Variants in MID2 observed in about 807,000 individuals in gnomAD.
The protein encoded by MID2 is probable E3 ubiquitin-protein ligase MID2.
A neutral mutation model predicts 46.1 loss-of-function variants in MID2; 13 were observed. The ratio of observed to expected loss-of-function variants is 0.28; its 90% CI spans 0.18 to 0.45. The LOEUF (loss-of-function observed/expected upper bound fraction) is 0.45. MID2 is among the 20% of genes least tolerant of loss of function. The probability of loss-of-function intolerance (pLI) is 1.00; values close to 1 mark genes in which losing one functional copy is unlikely to be tolerated. For missense variants in MID2, 431 were observed against 575.4 expected (o/e 0.75, Z 2.57); for synonymous variants, 199 against 212.3 (o/e 0.94, Z 0.55).
At position 107,927,305 on chromosome X, in the gene MID2, A is replaced by C; in HGVS notation, c.*232A>C. 3.3e-6 allele frequency: 1 copy of C among 302,377 alleles called. No homozygotes were observed. Among genetic ancestry groups the C allele is most frequent in the Non-Finnish European group, 5.7e-6 (1 of 174,291 alleles). 24.9% of individuals were successfully genotyped at this position (302,377 alleles called of 1,213,427 possible). A position where few individuals can be genotyped will look rare whatever the true frequency, so the allele number is the denominator to read the frequency against. On this transcript the variant is annotated 3_prime_UTR_variant, in exon 10 of 10. Coordinates refer to ENST00000262843, the MANE Select transcript of MID2 (RefSeq NM_012216.4). ...TCTGCGTTCAAGCCATTGGAGAAAA[A>C]TTTAGAAAATGCCTCTGTTGTCATT...
At chrX:107,916,841 GC>G in intron 6 of MID2, among the ~76,000 whole-genome samples, 2 of 112,635 alleles carry the variant, frequency 1.8e-5, no homozygotes, top group South Asian at 7.3e-4. Context: ...TGACTATACA[GC>G]TAAAAATATA....
At chrX:107,829,296 G>A (rs1226246306) in intron 1 of MID2, among the ~76,000 whole-genome samples, 3 of 112,121 alleles carry the variant, frequency 2.7e-5, no homozygotes, top group Non-Finnish European at 3.8e-5. Flanking sequence ...GAGCCAAATC[G>A]TATCATTGTA....
intron 5 of MID2, among the ~76,000 whole-genome samples, chrX:107,908,102 C>T (rs141910857): frequency 8.6e-4 from 97 of 112,582 alleles, no homozygotes; most frequent in Non-Finnish European, 1.5e-3. Context: ...CCACAGTCTA[C>T]ACTTTTACAA....
intron 3 of MID2, chrX:107,894,878 A>AGAGAGG (rs774764878): frequency 6.4e-5 from 7 of 108,564 alleles, no homozygotes; most frequent in African/African-American, 2.0e-4. Context: ...AGAGAGAGAG[A>AGAGAGG]GAGAGAGAAC....
At position 107,917,736 on chromosome X, in the gene MID2, C is replaced by G. The variant is rs200917006; in HGVS notation, c.1432C>G (p.Arg478Gly). ...CTGCTCAAGATTGGCCGGGGCGCCACGAGGCAAGTGTTTGTAAGACATGTT... is the reference window on the plus strand; with the variant it reads ...CTGCTCAAGATTGGCCGGGGCGCCAGGAGGCAAGTGTTTGTAAGACATGTT... ...VSCSRLAGAP[R>G]GLYNSVDSWM... Residue 478 changes from arginine to glycine, a missense_variant, in exon 7 of 10, where the codon CGA becomes GGA. Physicochemically the swap from Arg to Gly is moderately radical, Grantham distance 125 (BLOSUM62 -2). Coordinates refer to ENST00000262843, the MANE Select transcript of MID2 (RefSeq NM_012216.4). The G allele has an allele frequency of 1.7e-6, 2 of 1,208,081 alleles. No homozygotes were observed. Among genetic ancestry groups the G allele is most frequent in the Non-Finnish European group, 2.2e-6 (2 of 892,038 alleles).
At chrX:107,845,640 G>A (rs745494793) in intron 2 of MID2, among the ~76,000 whole-genome samples, 32 of 109,242 alleles carry the variant, frequency 2.9e-4, no homozygotes, top group African/African-American at 9.1e-4. Flanking sequence ...TCAAAGGAAC[G>A]CCACAATGAG....
intron 3 of MID2, among the ~76,000 whole-genome samples, chrX:107,858,885 C>A (rs2147836413): frequency 8.9e-6 from 1 of 112,159 alleles, no homozygotes; most frequent in South Asian, 3.7e-4. Flanking sequence ...TTCCTTCTGG[C>A]TCTTCTCAAT....
chrX:107,920,158 G>A (rs1460413772), intron 7 of MID2, among the ~76,000 whole-genome samples: 1 of 112,110 alleles, frequency 8.9e-6, no homozygotes, highest in African/African-American at 3.2e-5. Flanking sequence ...CCTACCTGCC[G>A]GTCTGGCCTG....
At chrX:107,850,946 C>A (rs1381681492) in intron 2 of MID2, among the ~76,000 whole-genome samples, 1 of 112,077 alleles carries the variant, frequency 8.9e-6, no homozygotes, top group African/African-American at 3.2e-5. Flanking sequence ...CTCATGGAAT[C>A]CCATGTTTGA....
At chrX:107,882,087 C>G (rs901571360) in intron 3 of MID2, among the ~76,000 whole-genome samples, 4 of 111,732 alleles carry the variant, frequency 3.6e-5, no homozygotes, top group Non-Finnish European at 7.5e-5. Context: ...ACAAACCTGA[C>G]AAAAACAAGA....
At chrX:107,905,358 A>C in intron 4 of MID2, 120 bp from the exon 5 acceptor site, 1 of 573,653 alleles carries the variant, frequency 1.7e-6, no homozygotes, top group East Asian at 3.7e-5. Context: ...GGACCATGGA[A>C]TATTAATAAA....
At chrX:107,903,908 A>C (rs1602497598) in intron 3 of MID2, 50 bp from the exon 4 acceptor site, 1 of 911,258 alleles carries the variant, frequency 1.1e-6, no homozygotes, top group African/African-American at 1.9e-5. Context: ...TAGAGCCAGC[A>C]GGGGACAAAG....
chrX:107,841,028 C>T lies in MID2; in HGVS notation c.363C>T (p.Arg121=), dbSNP rs139972539. ...VSGPNSPSES[R]RERTYRPTTA... ...GGCCCAATTCCCCTAGTGAGAGCCG[C>T]CGGGAAAGGACTTACAGGCCCACCA... Residue 121 remains arginine (R), a synonymous_variant, in exon 2 of 10, where the codon CGC becomes CGT. Transcript: ENST00000262843. 1.7e-6 allele frequency: 2 copies of T among 1,211,550 alleles called. No individual in the cohort carries two copies.
At chrX:107,874,004 C>T (rs1015364340) in intron 3 of MID2, among the ~76,000 whole-genome samples, 1 of 112,074 alleles carries the variant, frequency 8.9e-6, no homozygotes, top group East Asian at 2.8e-4. Context: ...AGCACTTGTC[C>T]CTGAGTAGAG....
chrX:107,867,493 C>A lies in MID2; in HGVS notation c.816+12789C>A, dbSNP rs180942568. ...TGTTTTTTAAAAAGTTTATACTGCC[C>A]CTCTGCTGGGTTAAGTACACATTGG... is the stretch of plus-strand genomic sequence containing the variant. On this transcript the variant is annotated intron_variant, in intron 3 of 9. Transcript: ENST00000262843. 7.7e-3 allele frequency among the ~76,000 whole-genome samples: 855 copies of A among 110,659 alleles called. 15 individuals are homozygous for A. The highest frequency in any genetic ancestry group is 0.027 in the African/African-American group (819 of 30,389).
chrX:107,865,490 A>C (rs776060938), intron 3 of MID2, among the ~76,000 whole-genome samples: 7 of 112,073 alleles, frequency 6.2e-5, no homozygotes, highest in Non-Finnish European at 1.3e-4. Flanking sequence ...GGAAAAAAGG[A>C]TATATGCCCA....
intron 3 of MID2, among the ~76,000 whole-genome samples, chrX:107,898,888 G>A (rs1471472230): frequency 7.2e-5 from 8 of 111,538 alleles, no homozygotes; most frequent in Non-Finnish European, 1.5e-4. Flanking sequence ...AGCCAGTGAG[G>A]AATTCCTTGC....
At chrX:107,845,525 A>ACACCCTCTCTCTCTCTCTCTCTCTCT (rs1276957001) in intron 2 of MID2, among the ~76,000 whole-genome samples, 1 of 72,982 alleles carries the variant, frequency 1.4e-5, no homozygotes, top group African/African-American at 7.6e-5. Flanking sequence ...ACACACACAC[A>ACACCCTCTCTCTCTCTCTCTCTCTCT]CTCTCTCTCT....
At position 107,886,337 on chromosome X, in the gene MID2, C is replaced by A. The variant is rs771443705; in HGVS notation, c.817-17621C>A. On this transcript the variant is annotated intron_variant, in intron 3 of 9. Transcript: ENST00000262843. The stretch of plus-strand genomic sequence containing the variant: ...AAGGGATCCAGTTTCAGCTTTCTAC[C>A]TATGGCTAGCCAGTTTTCCCAGCAC... Among the ~76,000 whole-genome samples the A allele has an allele frequency of 4.4e-4, 49 of 111,511 alleles. 1 individual carries two copies. In the South Asian group the frequency reaches 0.014, roughly 32 times the overall value.
Sources: gnomAD v4.1 joint callset for allele counts (sites outside exome capture counted in the v4.1 genomes callset) on GRCh38, gnomAD v4.1.1 for gene constraint, MANE v1.5 for transcripts, NCBI Gene and HGNC (gene_info 2026-07-23, HGNC 2026-07-21) for gene names.